The following ABR variants were observed in gnomAD, a reference collection of about 807,000 sequenced individuals.
ABR encodes the protein active breakpoint cluster region-related protein.
ABR carries 35 observed loss-of-function variants against 107.2 expected under a neutral mutation model. The observed-to-expected ratio is 0.33, with a 90% confidence interval of 0.25 to 0.43. The LOEUF (loss-of-function observed/expected upper bound fraction) is 0.43, where lower values mean the gene tolerates loss of function less well. ABR is among the 20% of genes least tolerant of loss of function. The pLI is 1.00. For missense variants in ABR, 815 were observed against 1,115.2 expected, an observed-to-expected ratio of 0.73 and a Z score of 3.83; for synonymous variants, 498 against 462.0, an observed-to-expected ratio of 1.08 and a Z score of -1.00.
rs1243361812 is a variant in ABR at position 1,065,480 on chromosome 17, C to T, written c.1182+1597G>A. ...TGAGGGCTATGCATGTTCCTCTAGA[C>T]GCTGTTGTTATGTGAACTGAGGGCT... On this transcript the variant is annotated intron_variant, in intron 10 of 22. Transcript: ENST00000302538. Among the ~76,000 whole-genome samples the T allele has an allele frequency of 3.5e-4, 33 of 94,904 alleles. 2 individuals are homozygous for T. In the East Asian group the frequency reaches 5.8e-3, roughly 17 times the overall value. 62.3% of individuals were successfully genotyped at this position (94,904 alleles called of 152,430 possible).
At chr17:1,167,235 GCTCCAC>G (rs2041548771) in intron 1 of ABR, among the ~76,000 whole-genome samples, 1 of 151,870 alleles carries the variant, frequency 6.6e-6, no homozygotes, top group Admixed American at 6.6e-5. Context: ...CTAACACCCA[GCTCCAC>G]CTCCTGCTTG....
chr17:1,059,129 C>A (rs2058078532), intron 10 of ABR, among the ~76,000 whole-genome samples: 1 of 152,078 alleles, frequency 6.6e-6, no homozygotes, highest in Admixed American at 6.5e-5. Flanking sequence ...GCCCATGTCC[C>A]CAACCACCTT....
Position 1,083,527 on chromosome 17 carries a change from ATCT to A in ABR, c.629_631del (p.Lys210del). 6.2e-7 allele frequency: 1 copy of A among 1,603,978 alleles called. No homozygotes were observed. The highest frequency in any genetic ancestry group is 8.5e-7 in the Non-Finnish European group (1 of 1,172,664). On this transcript the variant is annotated inframe_deletion, in exon 5 of 23. Transcript: ENST00000302538. The stretch of plus-strand genomic sequence containing the variant: ...ATGTGGGGAGCGGCCTACCTCTGAG[ATCT>A]TCTGGAACTGGTTGTTGGACTGGCT...
At chr17:1,042,637 G>T (rs990800767) in intron 16 of ABR, among the ~76,000 whole-genome samples, 2 of 150,320 alleles carry the variant, frequency 1.3e-5, no homozygotes, top group African/African-American at 4.9e-5. Context: ...TCCACGGACA[G>T]ACAGAAGGAC....
chr17:1,101,815 G>A (rs1246284559), intron 2 of ABR, among the ~76,000 whole-genome samples: 1 of 150,878 alleles, frequency 6.6e-6, no homozygotes, highest in African/African-American at 2.4e-5. Context: ...CTCACTGCAA[G>A]CTCCGCCTCC....
At chr17:1,205,853 G>C (rs1458581047) in intron 1 of ABR, among the ~76,000 whole-genome samples, 1 of 152,194 alleles carries the variant, frequency 6.6e-6, no homozygotes, top group Non-Finnish European at 1.5e-5. Context: ...TGCGGCAGGA[G>C]AATCACTTGA....
rs1226321168 is a variant in ABR, at chr17:1,078,474, A to G, written c.700+856T>C. On this transcript the variant is annotated intron_variant, in intron 6 of 22. Transcript: ENST00000302538. The surrounding 1 kb of genome is among the most constrained non-coding windows in gnomAD (Gnocchi z 7.5). Reference sequence around the variant, plus strand: ...CCCCGCAGACCCTCTCCCTGGCCTCAGGGCTACTACGTCTGCGGGCACAGC... The same window carrying G: ...CCCCGCAGACCCTCTCCCTGGCCTCGGGGCTACTACGTCTGCGGGCACAGC... Among the ~76,000 whole-genome samples the G allele has an allele frequency of 6.6e-6, 1 of 152,022 alleles. No homozygotes were observed. Among genetic ancestry groups the G allele is most frequent in the Non-Finnish European group, 1.5e-5 (1 of 67,980 alleles).
intron 12 of ABR, among the ~76,000 whole-genome samples, chr17:1,057,647 GTA>G (rs1435223615): frequency 1.0e-4 from 4 of 38,596 alleles, no homozygotes; most frequent in East Asian, 3.3e-3. Flanking sequence ...CAGCCTCTGT[GTA>G]TGTGTGTATG....
At chr17:1,128,371 G>A (rs796902598) in intron 1 of ABR, among the ~76,000 whole-genome samples, 1 of 152,222 alleles carries the variant, frequency 6.6e-6, no homozygotes, top group South Asian at 2.1e-4. Flanking sequence ...AAGAAGAAAA[G>A]GCAGACAAGG....
intron 1 of ABR, among the ~76,000 whole-genome samples, chr17:1,149,824 G>C (rs1454430613): frequency 6.6e-6 from 1 of 152,218 alleles, no homozygotes; most frequent in Non-Finnish European, 1.5e-5. Flanking sequence ...CAGGAGCCAG[G>C]CTCTCCGAAT....
chr17:1,116,889 C>A (rs1597870999), intron 2 of ABR, among the ~76,000 whole-genome samples: 1 of 152,180 alleles, frequency 6.6e-6, no homozygotes, highest in Non-Finnish European at 1.5e-5. Context: ...GGGCCGGCTG[C>A]TGGGGGGCGG....
intron 1 of ABR, among the ~76,000 whole-genome samples, chr17:1,155,600 T>C (rs942027323): frequency 4.6e-5 from 7 of 151,904 alleles, no homozygotes; most frequent in Non-Finnish European, 1.5e-5. Context: ...ATCAAGAAAG[T>C]GAAAAGACAA....
In ABR at chr17:1,070,357, G is replaced by T. The variant is rs1287636556; in HGVS notation, c.895-267C>A. On this transcript the variant is annotated intron_variant, in intron 8 of 22. Coordinates refer to ENST00000302538, the MANE Select transcript of ABR (RefSeq NM_021962.5). This position sits in a 1 kb window ranked among gnomAD's most constrained non-coding sequence, Gnocchi z 4.2. ...ACCTTCTGTTAAGTGCGGACAGTGA[G>T]GTCTGCCTCATAAGGTGACTCATCG... Among the ~76,000 whole-genome samples, 1 of 152,206 alleles carries T rather than the reference G, an allele frequency of 6.6e-6. No homozygotes were observed. The highest frequency in any genetic ancestry group is 6.5e-5 in the Admixed American group (1 of 15,286).
Position 1,077,260 on chromosome 17 carries a change from G to A in ABR, c.700+2070C>T, listed in dbSNP as rs377689132. Among the ~76,000 whole-genome samples the A allele has an allele frequency of 5.3e-4, 80 of 152,160 alleles. 1 individual carries two copies. In the Middle Eastern group the frequency reaches 0.014, roughly 26 times the overall value. ...AGGATGGGGTGAGCCCCCTCCTCAC[G>A]AGCTGGCCCTTTCACTCCTCATTCC... On this transcript the variant is annotated intron_variant, in intron 6 of 22. Transcript: ENST00000302538.
chr17:1,216,681 C>T (rs2043016596), intron 1 of ABR, among the ~76,000 whole-genome samples: 1 of 152,234 alleles, frequency 6.6e-6, no homozygotes, highest in Non-Finnish European at 1.5e-5. Flanking sequence ...GGGCCGGCCA[C>T]GTGCCACCCT....
intron 13 of ABR, 71 bp from the exon 14 acceptor site, chr17:1,056,180 G>T (rs998105850): frequency 8.1e-6 from 11 of 1,357,624 alleles, no homozygotes; most frequent in Non-Finnish European, 1.2e-5. Context: ...CCAGGCCGGC[G>T]GGAGGCAGAC....
chr17:1,158,542 C>G (rs1478516024), intron 1 of ABR, among the ~76,000 whole-genome samples: 1 of 151,884 alleles, frequency 6.6e-6, no homozygotes, highest in Admixed American at 6.6e-5. Flanking sequence ...ACAGGCAGAT[C>G]GCCTGAGGTC....
At chr17:1,116,498 G>A (rs2038991903) in intron 2 of ABR, among the ~76,000 whole-genome samples, 1 of 152,194 alleles carries the variant, frequency 6.6e-6, no homozygotes, top group African/African-American at 2.4e-5. Flanking sequence ...CAGGGCGTGA[G>A]AGCTGTGGGA....
At chr17:1,133,792 T>C (rs1330244561) in intron 1 of ABR, among the ~76,000 whole-genome samples, 1 of 152,290 alleles carries the variant, frequency 6.6e-6, no homozygotes, top group East Asian at 1.9e-4. Flanking sequence ...CCAGGCAAGA[T>C]ACCCGCTTTC....
Sources: gnomAD v4.1 joint callset for allele counts (sites outside exome capture counted in the v4.1 genomes callset) on GRCh38, gnomAD v4.1.1 for gene constraint, Gnocchi (gnomAD v3.1) non-coding constraint, MANE v1.5 for transcripts, NCBI Gene and HGNC (gene_info 2026-07-23, HGNC 2026-07-21) for gene names.